Variants in SLC24A2 observed in about 807,000 individuals in gnomAD.
SLC24A2 encodes the protein solute carrier family 24 member 2.
SLC24A2 carries 36 observed loss-of-function variants against 62.0 expected under a neutral mutation model. The observed-to-expected ratio is 0.58, with a 90% CI of 0.44 to 0.77. The LOEUF is 0.77. Ranked by LOEUF, SLC24A2 falls within the 30% of genes least tolerant of loss-of-function variation. The pLI is 0.00. For synonymous variants in SLC24A2, 358 were observed against 294.0 expected (o/e 1.22, Z -2.23); for missense variants, 846 against 817.9 (o/e 1.03, Z -0.42).
rs145128330 is a variant in SLC24A2 at position 19,709,594 on chromosome 9, T to C, written c.930+76343A>G. 7.3e-3 allele frequency among the ~76,000 whole-genome samples: 1,117 copies of C among 152,074 alleles called. 18 individuals carry two copies. Among genetic ancestry groups the C allele is most frequent in the African/African-American group, 0.026 (1,067 of 41,460 alleles). On this transcript the variant is annotated intron_variant, in intron 2 of 10. Transcript: ENST00000341998. ...GCAGCCATAAAAAATGAAGAGTTCATGTCCTTTGTAGGGACATGGATGAAA... is the reference window on the plus strand; with the variant it reads ...GCAGCCATAAAAAATGAAGAGTTCACGTCCTTTGTAGGGACATGGATGAAA...
At chr9:19,731,435 A>C (rs965666173) in intron 2 of SLC24A2, among the ~76,000 whole-genome samples, 3 of 152,078 alleles carry the variant, frequency 2.0e-5, no homozygotes, top group African/African-American at 7.2e-5. Context: ...ATACAATCAT[A>C]AGGGTGGGGC....
the SLC24A2 span, among the ~76,000 whole-genome samples, chr9:20,053,765 A>C: frequency 1.3e-5 from 2 of 152,162 alleles, no homozygotes. Context: ...CAGGGCCTAG[A>C]TCTTGGACTT....
the SLC24A2 span, among the ~76,000 whole-genome samples, chr9:20,079,978 G>T: frequency 1.3e-5 from 2 of 152,138 alleles, no homozygotes; most frequent in Non-Finnish European, 2.9e-5. Context: ...AATAAAAGAG[G>T]ATATAAACAA....
intron 7 of SLC24A2, among the ~76,000 whole-genome samples, chr9:19,558,217 G>C (rs1291276233): frequency 6.6e-6 from 1 of 152,174 alleles, no homozygotes; most frequent in Non-Finnish European, 1.5e-5. Context: ...GCAGACCTGG[G>C]GGTGTGTGGA....
rs1364102109 is a variant in SLC24A2, at chr9:19,513,698, T to C, written c.*2455A>G. On this transcript the variant is annotated 3_prime_UTR_variant, in exon 11 of 11. Coordinates refer to ENST00000341998, the MANE Select transcript of SLC24A2 (RefSeq NM_020344.4). The stretch of plus-strand genomic sequence containing the variant: ...GCATCAGGTCTCCTTCAACTTCTGT[T>C]TTACATGGTCTGTTTGCAGTTGAGT... 6.6e-6 allele frequency: 1 copy of C among 152,158 alleles called. No individual in the cohort carries two copies. The allele number at this position is 152,158 out of a possible 1,614,324, so 9.4% of individuals were successfully genotyped here.
At chr9:20,072,713 G>T in the SLC24A2 span, among the ~76,000 whole-genome samples, 61 of 152,084 alleles carry the variant, frequency 4.0e-4, 1 homozygote, top group South Asian at 0.012. Flanking sequence ...AGAGGGTAAT[G>T]TAATGATATA....
chr9:20,239,142 A>G, the SLC24A2 span, among the ~76,000 whole-genome samples: 1 of 152,240 alleles, frequency 6.6e-6, no homozygotes, highest in Non-Finnish European at 1.5e-5. Flanking sequence ...TCCTATCCAA[A>G]TAGCCACTGA....
intron 2 of SLC24A2, among the ~76,000 whole-genome samples, chr9:19,696,277 G>A (rs997216208): frequency 3.9e-5 from 6 of 152,164 alleles, no homozygotes; most frequent in African/African-American, 1.4e-4. Context: ...CACGAAACTG[G>A]TCCCTGGTGC....
intron 8 of SLC24A2, among the ~76,000 whole-genome samples, chr9:19,535,482 T>C (rs1833919234): frequency 6.6e-6 from 1 of 152,222 alleles, no homozygotes; most frequent in African/African-American, 2.4e-5. Flanking sequence ...TTTTACGGTT[T>C]TAGGTCTTAA....
chr9:19,568,592 AAG>A (rs1030157528), intron 7 of SLC24A2, among the ~76,000 whole-genome samples: 39 of 152,346 alleles, frequency 2.6e-4, no homozygotes, highest in African/African-American at 9.1e-4. Context: ...CTGTTTCACA[AAG>A]AGGGAAAATG....
chr9:19,809,377 A>T, the SLC24A2 span, among the ~76,000 whole-genome samples: 2 of 152,246 alleles, frequency 1.3e-5, no homozygotes, highest in Non-Finnish European at 2.9e-5. Flanking sequence ...TTAAGGATTT[A>T]CAAAACTAAC....
chr9:20,156,588 A>T, the SLC24A2 span, among the ~76,000 whole-genome samples: 3 of 151,850 alleles, frequency 2.0e-5, no homozygotes, highest in Non-Finnish European at 4.4e-5. Context: ...CCCAAGGCAC[A>T]TATGTTGCTA....
intron 2 of SLC24A2, among the ~76,000 whole-genome samples, chr9:19,769,108 C>G (rs1822605705): frequency 6.6e-6 from 1 of 152,156 alleles, no homozygotes; most frequent in Non-Finnish European, 1.5e-5. Flanking sequence ...CAAAATTGAA[C>G]TCCTCTCTTT....
At chr9:19,545,676 TTGCTTACGC>T (rs1257670727) in intron 8 of SLC24A2, among the ~76,000 whole-genome samples, 3 of 151,962 alleles carry the variant, frequency 2.0e-5, no homozygotes, top group Non-Finnish European at 4.4e-5. Context: ...TCTCATTCTG[TTGCTTACGC>T]TGGAGTGCAG....
chr9:20,052,054 A>T, the SLC24A2 span, among the ~76,000 whole-genome samples: 5 of 152,308 alleles, frequency 3.3e-5, no homozygotes, highest in African/African-American at 1.2e-4. Context: ...TTCAATATGT[A>T]TTAGCTATTA....
At chr9:19,785,758 AC>A (rs761782152) in intron 2 of SLC24A2, among the ~76,000 whole-genome samples, 178 bp downstream of exon 2, 1 of 152,172 alleles carries the variant, frequency 6.6e-6, no homozygotes, top group Non-Finnish European at 1.5e-5. Flanking sequence ...CTGCAAGAAT[AC>A]CCCAAAATTA....
chr9:20,014,495 GATATATAT>G, the SLC24A2 span, among the ~76,000 whole-genome samples: 3 of 140,704 alleles, frequency 2.1e-5, no homozygotes, highest in African/African-American at 7.9e-5. Flanking sequence ...AGAAAAATGT[GATATATAT>G]ATATATATAT....
At chr9:19,905,731 G>C in the SLC24A2 span, among the ~76,000 whole-genome samples, 1 of 152,084 alleles carries the variant, frequency 6.6e-6, no homozygotes, top group Admixed American at 6.5e-5. Flanking sequence ...TATTTTCAGA[G>C]AGAAAAATCT....
At chr9:19,742,211 G>T (rs1821700239) in intron 2 of SLC24A2, among the ~76,000 whole-genome samples, 1 of 152,182 alleles carries the variant, frequency 6.6e-6, no homozygotes, top group South Asian at 2.1e-4. Context: ...TGAGAGGAAA[G>T]CTGCATTTTA....
Sources: gnomAD v4.1 joint callset for allele counts (sites outside exome capture counted in the v4.1 genomes callset) on GRCh38, gnomAD v4.1.1 for gene constraint, MANE v1.5 for transcripts, NCBI Gene and HGNC (gene_info 2026-07-23, HGNC 2026-07-21) for gene names.